KCNN3: variants seen among roughly 807,000 people sequenced by gnomAD.
KCNN3 encodes the protein potassium calcium-activated channel subfamily N member 3.
In KCNN3, 16 loss-of-function variants were observed where a neutral mutation model predicts 62.9. That is an observed-to-expected ratio of 0.25 (90% CI 0.17 to 0.39). The LOEUF (loss-of-function observed/expected upper bound fraction) is 0.39. Ranked by LOEUF, KCNN3 falls within the 10% of genes least tolerant of loss-of-function variation. The pLI is 1.00. For synonymous variants in KCNN3, 370 were observed against 389.2 expected (o/e 0.95, Z 0.58); for missense variants, 599 against 949.4 (o/e 0.63, Z 4.85).
chr1:154,787,450 G>A (rs547868982), intron 2 of KCNN3, among the ~76,000 whole-genome samples: 8 of 152,316 alleles, frequency 5.3e-5, no homozygotes, highest in Non-Finnish European at 8.8e-5. Context: ...GCCAAGACCC[G>A]TGGGGTACAG....
intron 2 of KCNN3, among the ~76,000 whole-genome samples, chr1:154,817,145 G>A (rs979915995): frequency 2.6e-5 from 4 of 152,204 alleles, no homozygotes; most frequent in African/African-American, 9.6e-5. Flanking sequence ...CGGGTGGGTA[G>A]GCATATTCAA....
At chr1:154,714,099 A>G (rs367858919) in intron 6 of KCNN3, among the ~76,000 whole-genome samples, 30 of 41,100 alleles carry the variant, frequency 7.3e-4, no homozygotes, top group Admixed American at 9.8e-4. Context: ...TGTGGTGTGT[A>G]TGGTGTGTGT....
intron 1 of KCNN3, among the ~76,000 whole-genome samples, chr1:154,841,264 C>A (rs1651816702): frequency 6.6e-6 from 1 of 152,222 alleles, no homozygotes; most frequent in Non-Finnish European, 1.5e-5. Context: ...CTGAAATAAT[C>A]ACCTCCATTT....
chr1:154,847,243 G>C (rs774209294), intron 1 of KCNN3, among the ~76,000 whole-genome samples: 6 of 151,584 alleles, frequency 4.0e-5, no homozygotes, highest in Non-Finnish European at 8.8e-5. Context: ...ATCTCTCCAG[G>C]CCACACCGAG....
chr1:154,843,455 AT>A (rs1192871540), intron 1 of KCNN3, among the ~76,000 whole-genome samples: 1 of 151,706 alleles, frequency 6.6e-6, no homozygotes, highest in East Asian at 1.9e-4. Flanking sequence ...CTCATCAAAT[AT>A]TTTTTTTAAT....
In KCNN3 at chr1:154,862,763, G is replaced by A. The variant is rs142753816; in HGVS notation, c.933+6269C>T. Among the ~76,000 whole-genome samples, 182 of 152,194 alleles carry A rather than the reference G, an allele frequency of 1.2e-3. No individual in the cohort carries two copies. Among genetic ancestry groups the A allele is most frequent in the African/African-American group, 3.7e-3 (152 of 41,542 alleles). On this transcript the variant is annotated intron_variant, in intron 1 of 7. Transcript: ENST00000271915. This position sits in a 1 kb window ranked among gnomAD's most constrained non-coding sequence, Gnocchi z 4.1. The stretch of plus-strand genomic sequence containing the variant: ...CAGCACTGTCTTCTCCAGGACCTGC[G>A]CCAGCATCTCCCGCCCTCCATCAAG...
Position 154,734,103 on chromosome 1 carries a change from G to A in KCNN3, c.1449-959C>T, listed in dbSNP as rs1700657689. ...TTTTCCAGGCAGGCCCAGAGGAACGGGTGCTCTGGGCAGAGAACCCTAATG... is the reference window on the plus strand; with the variant it reads ...TTTTCCAGGCAGGCCCAGAGGAACGAGTGCTCTGGGCAGAGAACCCTAATG... On this transcript the variant is annotated intron_variant, in intron 3 of 7. Transcript: ENST00000271915. Among the ~76,000 whole-genome samples, 4 of 152,190 alleles carry A rather than the reference G, an allele frequency of 2.6e-5. No homozygotes were observed. In the South Asian group the frequency reaches 8.3e-4, roughly 31 times the overall value.
chr1:154,815,704 G>T (rs1316795897), intron 2 of KCNN3, among the ~76,000 whole-genome samples: 1 of 152,224 alleles, frequency 6.6e-6, no homozygotes. Flanking sequence ...ATTTAGAGAG[G>T]TCAGTACGTG....
rs955833383 is a variant in KCNN3 at position 154,703,946 on chromosome 1, T to C, written c.*4030A>G. ...GAAATTGATGTATTAGGTGCTTATA[T>C]GAATTGGCCAAAGATGTGGATCCAG... On this transcript the variant is annotated 3_prime_UTR_variant, in exon 8 of 8. Transcript: ENST00000271915. 10 of 152,228 alleles carry C rather than the reference T, an allele frequency of 6.6e-5. No homozygotes were observed. Among genetic ancestry groups the C allele is most frequent in the African/African-American group, 2.4e-4 (10 of 41,466 alleles). 9.4% of individuals were successfully genotyped at this position (152,228 alleles called of 1,614,324 possible).
intron 1 of KCNN3, among the ~76,000 whole-genome samples, chr1:154,825,092 C>T (rs560078994): frequency 2.6e-5 from 4 of 152,246 alleles, no homozygotes; most frequent in African/African-American, 9.6e-5. Flanking sequence ...CTTCTCTTTG[C>T]TGCCTGAACA....
At chr1:154,775,118 C>T (rs1454212283) in intron 2 of KCNN3, among the ~76,000 whole-genome samples, 1 of 152,224 alleles carries the variant, frequency 6.6e-6, no homozygotes, top group Non-Finnish European at 1.5e-5. Context: ...CAACTGTCTC[C>T]TTGATGGTCT....
chr1:154,721,920 C>T (rs985880668), intron 5 of KCNN3, among the ~76,000 whole-genome samples: 6 of 151,276 alleles, frequency 4.0e-5, no homozygotes, highest in Non-Finnish European at 7.4e-5. Flanking sequence ...AGTGACACTG[C>T]GAAGTCAGTG....
Position 154,810,270 on chromosome 1 carries a change from C to T in KCNN3, c.1029+11819G>A, listed in dbSNP as rs184030693. On this transcript the variant is annotated intron_variant, in intron 2 of 7. Transcript: ENST00000271915. Reference sequence around the variant, plus strand: ...CACAGTGTCTAAGGGAAAGACCAGACTCAGCCCAGGCAGATGATGGCTTGG... The same window carrying T: ...CACAGTGTCTAAGGGAAAGACCAGATTCAGCCCAGGCAGATGATGGCTTGG... Among the ~76,000 whole-genome samples the T allele has an allele frequency of 6.6e-5, 10 of 152,284 alleles. No homozygotes were observed. In the East Asian group the frequency reaches 1.9e-3, roughly 29 times the overall value.
chr1:154,848,913 C>T (rs940060938), intron 1 of KCNN3, among the ~76,000 whole-genome samples: 1 of 152,198 alleles, frequency 6.6e-6, no homozygotes, highest in Non-Finnish European at 1.5e-5. Flanking sequence ...ATCTCTGTGT[C>T]CCCCAACGTC....
intron 3 of KCNN3, among the ~76,000 whole-genome samples, chr1:154,747,196 C>T (rs780845739): frequency 2.0e-5 from 3 of 152,186 alleles, no homozygotes; most frequent in Non-Finnish European, 2.9e-5. Context: ...CTCAAAACTG[C>T]CCTTGCTCTT....
chr1:154,847,707 G>A (rs996361087), intron 1 of KCNN3, among the ~76,000 whole-genome samples: 15 of 152,292 alleles, frequency 9.8e-5, no homozygotes, highest in African/African-American at 3.6e-4. Context: ...TTAAAGGCAA[G>A]GAGGTCTTGC....
At chr1:154,776,423 G>A (rs955511600) in intron 2 of KCNN3, among the ~76,000 whole-genome samples, 7 of 152,140 alleles carry the variant, frequency 4.6e-5, no homozygotes, top group East Asian at 1.9e-4. Context: ...TGTAAAGAGC[G>A]GGTGTTTTGA....
intron 3 of KCNN3, among the ~76,000 whole-genome samples, chr1:154,748,700 C>T (rs1369368528): frequency 6.6e-6 from 1 of 152,174 alleles, no homozygotes; most frequent in Non-Finnish European, 1.5e-5. Context: ...GTGGCTCATG[C>T]CTGTAATCCA....
At chr1:154,827,057 G>A (rs1651166600) in intron 1 of KCNN3, among the ~76,000 whole-genome samples, 1 of 152,218 alleles carries the variant, frequency 6.6e-6, no homozygotes, top group Non-Finnish European at 1.5e-5. Flanking sequence ...GATAGTATCT[G>A]AAGTTCATAA....
Sources: gnomAD v4.1 joint callset for allele counts (sites outside exome capture counted in the v4.1 genomes callset) on GRCh38, gnomAD v4.1.1 for gene constraint, Gnocchi (gnomAD v3.1) non-coding constraint, MANE v1.5 for transcripts, NCBI Gene and HGNC (gene_info 2026-07-23, HGNC 2026-07-21) for gene names.